The following ABCA9 variants were observed in gnomAD, a reference collection of about 807,000 sequenced individuals.
The protein encoded by ABCA9 is ATP binding cassette subfamily A member 9.
ABCA9 carries 183 observed loss-of-function variants against 205.3 expected under a neutral mutation model. The observed-to-expected ratio is 0.89, with a 90% CI of 0.79 to 1.01. The LOEUF is 1.01. Among genes scored for constraint, ABCA9 ranks in the 50% least tolerant of loss-of-function variants. ABCA9 has a pLI of 0.00. For synonymous variants in ABCA9, 651 were observed against 683.3 expected (o/e 0.95, Z 0.74); for missense variants, 1,805 against 1,912.4 (o/e 0.94, Z 1.05).
At chr17:68,994,094 T>C (rs1381231613) in intron 26 of ABCA9, among the ~76,000 whole-genome samples, 1 of 152,222 alleles carries the variant, frequency 6.6e-6, no homozygotes, top group Non-Finnish European at 1.5e-5. Flanking sequence ...CAGGCTGGTC[T>C]CGAACTCCAG....
intron 22 of ABCA9, 101 bp downstream of exon 22, chr17:69,016,152 G>A: frequency 1.3e-6 from 1 of 747,846 alleles, no homozygotes. Flanking sequence ...ACAAGTTTAA[G>A]AATAGATTCA....
the ABCA9 span, among the ~76,000 whole-genome samples, chr17:69,071,079 C>T: frequency 5.4e-4 from 82 of 152,286 alleles, no homozygotes; most frequent in Middle Eastern, 3.4e-3. Flanking sequence ...GAAAGAAAGG[C>T]AGCAGCCCCA....
intron 37 of ABCA9, among the ~76,000 whole-genome samples, chr17:68,976,622 A>G (rs2068899306): frequency 6.6e-6 from 1 of 152,170 alleles, no homozygotes; most frequent in Non-Finnish European, 1.5e-5. Flanking sequence ...TTATTCTTTC[A>G]CTTCCTCCCT....
chr17:69,010,804 T>C (rs1233838490), intron 23 of ABCA9, among the ~76,000 whole-genome samples: 1 of 151,998 alleles, frequency 6.6e-6, no homozygotes, highest in African/African-American at 2.4e-5. Flanking sequence ...ATAAAGGAGA[T>C]AAAGAGACAA....
At chr17:69,067,815 C>T in the ABCA9 span, among the ~76,000 whole-genome samples, 6 of 152,144 alleles carry the variant, frequency 3.9e-5, no homozygotes, top group Admixed American at 1.3e-4. Context: ...CCTCACAGAG[C>T]TCACTGGGTT....
At position 68,983,824 on chromosome 17, in the gene ABCA9, T is replaced by C; in HGVS notation, c.4525A>G (p.Lys1509Glu). The change falls in exon 36 of 39, where the codon AAA becomes GAA. Residue 1509 changes from lysine to glutamate, a missense_variant. By Grantham distance (56) the Lys-to-Glu change is moderately conservative. Transcript: ENST00000340001. ...LRCIGSIQHL[K>E]SKFGKDYLLE... ...AGGTAGTCTTTGCCAAATTTGCTTT[T>C]CAGGTGTTGGATGGAACCAATACAT... 6.2e-7 allele frequency: 1 copy of C among 1,614,200 alleles called. No individual in the cohort carries two copies. The highest frequency in any genetic ancestry group is 8.5e-7 in the Non-Finnish European group (1 of 1,180,038).
chr17:69,040,742 C>T (rs1287342231), intron 6 of ABCA9, among the ~76,000 whole-genome samples: 6 of 150,648 alleles, frequency 4.0e-5, no homozygotes, highest in Non-Finnish European at 6.0e-5. Flanking sequence ...AAAGAAATTC[C>T]TAATTTGCAA....
At chr17:68,995,789 T>C (rs994285836) in intron 26 of ABCA9, 106 bp downstream of exon 26, 67 of 1,413,130 alleles carry the variant, frequency 4.7e-5, no homozygotes, top group South Asian at 1.1e-4. Flanking sequence ...ACAGAGACTT[T>C]TAAACTTTGC....
chr17:68,983,601 T>C, intron 36 of ABCA9, 108 bp downstream of exon 36: 1 of 1,444,640 alleles, frequency 6.9e-7, no homozygotes, highest in Non-Finnish European at 9.4e-7. Context: ...GTACTTGCAA[T>C]TACCATAGAG....
intron 21 of ABCA9, 107 bp downstream of exon 21, chr17:69,017,549 C>CCATTTG (rs1770856013): frequency 8.2e-7 from 1 of 1,214,818 alleles, no homozygotes. Flanking sequence ...GAGAACTATC[C>CCATTTG]CATTTGTTTG....
At position 69,043,560 on chromosome 17, in the gene ABCA9, G is replaced by T; in HGVS notation, c.729C>A (p.Val243=). The T allele has an allele frequency of 6.2e-7, 1 of 1,611,080 alleles. No homozygotes were observed. The highest frequency in any genetic ancestry group is 1.1e-5 in the South Asian group (1 of 90,406). Residue 243 remains valine (V), a synonymous_variant, in exon 6 of 39, where the codon GTC becomes GTA. Transcript: ENST00000340001. Reference sequence around the variant, plus strand: ...TGTATTGTCTTTCTTGTGTAACATTGACTGATACATAGTATATAAATGTAG... The same window carrying T: ...TGTATTGTCTTTCTTGTGTAACATTTACTGATACATAGTATATAAATGTAG... ...SFSTFIYYVS[V]NVTQERQYIT...
At chr17:69,069,506 T>A in the ABCA9 span, among the ~76,000 whole-genome samples, 1 of 152,042 alleles carries the variant, frequency 6.6e-6, no homozygotes, top group East Asian at 1.9e-4. Context: ...CCTTCTATCC[T>A]CAATCTGTTG....
chr17:69,066,650 G>A, the ABCA9 span, among the ~76,000 whole-genome samples: 29 of 152,132 alleles, frequency 1.9e-4, 1 homozygote, highest in South Asian at 5.4e-3. Flanking sequence ...GGAAGTGCCA[G>A]TGAAAGCTGA....
At chr17:69,060,815 T>A in intron 1 of ABCA9, 51 bp downstream of exon 1, 1 of 966,706 alleles carries the variant, frequency 1.0e-6, no homozygotes, top group Non-Finnish European at 1.2e-6. Flanking sequence ...TTTATAGTCT[T>A]ATGTTATATT....
Position 68,976,089 on chromosome 17 carries a change from A to T in ABCA9, c.4776+46T>A. 7 of 1,599,810 alleles carry T rather than the reference A, an allele frequency of 4.4e-6. No individual in the cohort carries two copies. The South Asian group carries it at 7.7e-5, about 18-fold the overall frequency. On this transcript the variant is annotated intron_variant, in intron 38 of 38. Transcript: ENST00000340001. Reference sequence around the variant, plus strand: ...CTGCAGCTCCAGGCGAATGCATTATACATGTATATTCCATGGATGATATAG... The same window carrying T: ...CTGCAGCTCCAGGCGAATGCATTATTCATGTATATTCCATGGATGATATAG...
At chr17:69,030,194 A>G (rs932145841) in intron 10 of ABCA9, among the ~76,000 whole-genome samples, 4 of 152,260 alleles carry the variant, frequency 2.6e-5, no homozygotes, top group African/African-American at 9.6e-5. Context: ...ACAAAATACC[A>G]TAGACTAGGT....
chr17:68,975,769 C>T lies in ABCA9; in HGVS notation c.*146G>A. Reference sequence around the variant, plus strand: ...CCCTCACTGACATCGCCTGTTGTCTCACTGTAAGAAATACTACTGAGGATA... The same window carrying T: ...CCCTCACTGACATCGCCTGTTGTCTTACTGTAAGAAATACTACTGAGGATA... On this transcript the variant is annotated 3_prime_UTR_variant, in exon 39 of 39. Coordinates refer to ENST00000340001, the MANE Select transcript of ABCA9 (RefSeq NM_080283.4). The T allele has an allele frequency of 1.5e-6, 1 of 671,682 alleles. No homozygotes were observed. Among genetic ancestry groups the T allele is most frequent in the Non-Finnish European group, 2.5e-6 (1 of 393,928 alleles). 41.6% of individuals were successfully genotyped at this position (671,682 alleles called of 1,614,324 possible).
rs1220059052 is a variant in ABCA9, at chr17:69,027,426, T to G, written c.1815A>C (p.Leu605Phe). 2 of 1,612,950 alleles carry G rather than the reference T, an allele frequency of 1.2e-6. No homozygotes were observed. Among genetic ancestry groups the G allele is most frequent in the South Asian group, 2.2e-5 (2 of 90,956 alleles). The change falls in exon 14 of 39, where the codon TTA becomes TTC. Residue 605 changes from leucine (L) to phenylalanine (F), a missense_variant. Transcript: ENST00000340001. ...GGATGTCTTGAATATTTTCCATTTC[T>G]AATTCCTGTACAACTCGTTGTACCT... is the stretch of plus-strand genomic sequence containing the variant. The part of the protein sequence containing the change: ...EKEVQRVVQE[L>F]EMENIQDILA...
chr17:69,012,574 C>T (rs113548188), intron 22 of ABCA9, among the ~76,000 whole-genome samples: 2 of 151,426 alleles, frequency 1.3e-5, no homozygotes, highest in African/African-American at 4.9e-5. Flanking sequence ...TTGCTACAAG[C>T]CTTAATTTTG....
Sources: allele counts gnomAD v4.1 joint callset (sites outside exome capture counted in the v4.1 genomes callset), GRCh38; gene constraint gnomAD v4.1.1; transcripts MANE v1.5; gene names NCBI Gene and HGNC (gene_info 2026-07-23, HGNC 2026-07-21).